FNDC1: variants seen among roughly 807,000 people sequenced by gnomAD.
FNDC1 encodes fibronectin type III domain containing 1, also known as fibronectin type III domain-containing protein 1.
FNDC1 carries 96 observed loss-of-function variants against 168.0 expected under a neutral mutation model. That is an observed-to-expected ratio of 0.57 (90% CI 0.48 to 0.68). FNDC1 has a LOEUF of 0.68. Ranked by LOEUF, FNDC1 falls within the 30% of genes least tolerant of loss-of-function variation. The pLI is 0.00. For synonymous variants in FNDC1, 1,099 were observed against 1,025.9 expected (o/e 1.07, Z -1.36); for missense variants, 2,587 against 2,482.1 (o/e 1.04, Z -0.90).
intron 11 of FNDC1, among the ~76,000 whole-genome samples, chr6:159,235,377 G>T (rs923281244): frequency 5.4e-4 from 82 of 151,826 alleles, no homozygotes; most frequent in African/African-American, 2.0e-3. Context: ...TAAAGACATA[G>T]AACAATGCCC....
At chr6:159,185,080 A>T (rs1159228822) in intron 1 of FNDC1, among the ~76,000 whole-genome samples, 14 of 142,560 alleles carry the variant, frequency 9.8e-5, no homozygotes, top group African/African-American at 2.6e-4. Context: ...GGGGGGGGGA[A>T]TCTTGTTTTT....
chr6:159,235,899 A>T (rs1783242971), intron 11 of FNDC1, among the ~76,000 whole-genome samples: 1 of 152,186 alleles, frequency 6.6e-6, no homozygotes, highest in Admixed American at 6.5e-5. Context: ...CAACTTCCAC[A>T]TGGCTAAAAT....
chr6:159,271,412 G>T lies in FNDC1; in HGVS notation c.5655G>T (p.Glu1885Asp). 1 of 1,611,524 alleles carries T rather than the reference G, an allele frequency of 6.2e-7. No individual in the cohort carries two copies. ...CCTACTACTATGTGGGCTGGTACGA[G>T]TGTGGGGTCTCCATCCCTGGAAAGT... The part of the protein sequence containing the change: ...GTPYYYVGWY[E>D]CGVSIPGKW The change falls in exon 23 of 23, where the codon GAG becomes GAT. Residue 1885 changes from glutamate to aspartate, a missense_variant. Transcript: ENST00000297267.
intron 6 of FNDC1, among the ~76,000 whole-genome samples, chr6:159,222,270 G>T (rs142437890): frequency 3.3e-5 from 5 of 152,238 alleles, no homozygotes; most frequent in African/African-American, 1.2e-4. Flanking sequence ...TTAATTTAAA[G>T]AGGCAATCTA....
intron 22 of FNDC1, among the ~76,000 whole-genome samples, chr6:159,270,059 G>A (rs189458626): frequency 3.5e-4 from 54 of 152,268 alleles, no homozygotes; most frequent in Admixed American, 7.8e-4. Flanking sequence ...GTGTGGTGGT[G>A]CATGCCTGTA....
chr6:159,230,799 C>G (rs1418023140), intron 10 of FNDC1, among the ~76,000 whole-genome samples: 1 of 152,108 alleles, frequency 6.6e-6, no homozygotes, highest in Non-Finnish European at 1.5e-5. Context: ...ACAATTTTGT[C>G]ATGGAAAAAT....
At chr6:159,171,952 G>T (rs1170310471) in intron 1 of FNDC1, among the ~76,000 whole-genome samples, 1 of 152,112 alleles carries the variant, frequency 6.6e-6, no homozygotes, top group Non-Finnish European at 1.5e-5. Context: ...TTGCACTGAG[G>T]GTGCAAAAGC....
chr6:159,199,766 A>G (rs1421449917), intron 2 of FNDC1, among the ~76,000 whole-genome samples: 2 of 152,252 alleles, frequency 1.3e-5, no homozygotes, highest in Admixed American at 6.5e-5. Context: ...ACCTTGTATG[A>G]AATAAAGTTT....
chr6:159,188,537 G>C (rs112319324), intron 1 of FNDC1, among the ~76,000 whole-genome samples: 1 of 149,232 alleles, frequency 6.7e-6, no homozygotes, highest in East Asian at 2.0e-4. Flanking sequence ...ACCAGGCCCG[G>C]CTAATTTTTT....
chr6:159,218,416 C>T (rs1240389689), intron 5 of FNDC1: 1 of 152,194 alleles, frequency 6.6e-6, no homozygotes, highest in Non-Finnish European at 1.5e-5. Flanking sequence ...AAGAGATCAC[C>T]GTGAGGAGGA....
At chr6:159,195,627 T>A (rs1410121950) in intron 1 of FNDC1, among the ~76,000 whole-genome samples, 1 of 152,158 alleles carries the variant, frequency 6.6e-6, no homozygotes, top group East Asian at 1.9e-4. Flanking sequence ...CAGAAATTAT[T>A]CTGTGCTGTG....
chr6:159,189,356 A>T (rs1331092108), intron 1 of FNDC1, among the ~76,000 whole-genome samples: 1 of 152,212 alleles, frequency 6.6e-6, no homozygotes, highest in Non-Finnish European at 1.5e-5. Context: ...CCACATCTCC[A>T]GTCCAGCTCC....
Position 159,269,499 on chromosome 6 carries a change from T to TGC in FNDC1, c.5569+1573_5569+1574insGC, listed in dbSNP as rs1562316090. Among the ~76,000 whole-genome samples, 247 of 87,344 alleles carry TGC rather than the reference T, an allele frequency of 2.8e-3. 2 individuals are homozygous for TGC. Among genetic ancestry groups the TGC allele is most frequent in the Non-Finnish European group, 3.0e-3 (125 of 41,922 alleles). 57.3% of individuals were successfully genotyped at this position (87,344 alleles called of 152,430 possible). Reference sequence around the variant, plus strand: ...CTATCTATCTATCTATCTATCTATCTATCCATCCATCCATGCATCCATCCA... The same window carrying TGC: ...CTATCTATCTATCTATCTATCTATCTGCATCCATCCATCCATGCATCCATCCA... On this transcript the variant is annotated intron_variant, in intron 22 of 22. Coordinates refer to ENST00000297267, the MANE Select transcript of FNDC1 (RefSeq NM_032532.3).
intron 17 of FNDC1, among the ~76,000 whole-genome samples, chr6:159,252,630 C>G (rs1476709756): frequency 6.6e-6 from 1 of 152,042 alleles, no homozygotes; most frequent in African/African-American, 2.4e-5. Flanking sequence ...CACGGACCGC[C>G]GTGAAGTCTG....
chr6:159,251,357 T>C lies in FNDC1; in HGVS notation c.4890T>C (p.Asp1630=), dbSNP rs1195311030. Residue 1630 remains aspartate, a synonymous_variant, in exon 17 of 23, where the codon GAT becomes GAC. Transcript: ENST00000297267. ...CATCAGCCCCGTGCTCTCTGACTGA[T>C]GCACTGGATCACTTCCAAGTGGACA... ...KDPSAPCSLT[D]ALDHFQVDSL... The C allele has an allele frequency of 6.2e-7, 1 of 1,614,024 alleles. No individual in the cohort carries two copies. Among genetic ancestry groups the C allele is most frequent in the Non-Finnish European group, 8.5e-7 (1 of 1,179,900 alleles).
intron 1 of FNDC1, among the ~76,000 whole-genome samples, chr6:159,174,201 T>G (rs1445997754): frequency 1.3e-5 from 2 of 151,560 alleles, no homozygotes; most frequent in South Asian, 4.1e-4. Flanking sequence ...CTACAAACTT[T>G]GGTGCCTTTG....
chr6:159,224,413 CT>C (rs1782907865), intron 7 of FNDC1, among the ~76,000 whole-genome samples: 2 of 152,158 alleles, frequency 1.3e-5, no homozygotes, highest in Admixed American at 1.3e-4. Context: ...TATATATTAA[CT>C]TTTCAACCTC....
At chr6:159,220,049 G>T (rs539880246) in intron 5 of FNDC1, among the ~76,000 whole-genome samples, 3 of 152,232 alleles carry the variant, frequency 2.0e-5, no homozygotes, top group Middle Eastern at 3.4e-3. Flanking sequence ...AAATCTTCTG[G>T]TAGAATAAGA....
At chr6:159,221,844 A>G in intron 6 of FNDC1, 148 bp downstream of exon 6, 2 of 678,672 alleles carry the variant, frequency 2.9e-6, no homozygotes, top group Admixed American at 2.2e-5. Context: ...TTTTGGGTGT[A>G]AGCGTGCTGC....
Sources: gnomAD v4.1 joint callset for allele counts (sites outside exome capture counted in the v4.1 genomes callset) on GRCh38, gnomAD v4.1.1 for gene constraint, MANE v1.5 for transcripts, NCBI Gene and HGNC (gene_info 2026-07-23, HGNC 2026-07-21) for gene names.